ZNF439: variants seen among roughly 807,000 people sequenced by gnomAD.
ZNF439 encodes zinc finger protein 439.
In ZNF439, 40 loss-of-function variants were observed where a neutral mutation model predicts 47.3. That is an observed-to-expected ratio of 0.85 (90% confidence interval 0.66 to 1.10). The LOEUF is 1.10. ZNF439 is among the 50% of genes least tolerant of loss of function. The pLI is 0.00. For synonymous variants in ZNF439, 171 were observed against 198.8 expected (o/e 0.86, Z 1.18); for missense variants, 556 against 601.1 (o/e 0.93, Z 0.78).
intron 1 of ZNF439, among the ~76,000 whole-genome samples, chr19:11,853,319 A>G (rs994108589): frequency 6.6e-6 from 1 of 152,216 alleles, no homozygotes; most frequent in Non-Finnish European, 1.5e-5. Flanking sequence ...AGGAGGACGA[A>G]TGCGGGAATA....
chr19:11,856,069 G>A (rs976786680), intron 1 of ZNF439: 3 of 152,144 alleles, frequency 2.0e-5, no homozygotes, highest in South Asian at 2.1e-4. Context: ...TAAATCCACC[G>A]GACCTTTCCA....
In ZNF439 at chr19:11,867,608, A is replaced by T. The variant is rs1277015415; in HGVS notation, c.554A>T (p.His185Leu). The part of the protein sequence containing the change: ...HPSLRTQERD[H>L]TGKKPYACKE... ...TCCTTGAGAACACAAGAAAGGGATC[A>T]CACTGGAAAGAAACCCTATGCTTGT... is the stretch of plus-strand genomic sequence containing the variant. Residue 185 changes from histidine (H) to leucine (L), a missense_variant, in exon 4 of 4, where the codon CAC becomes CTC. Coordinates refer to ENST00000682736, the MANE Select transcript of ZNF439 (RefSeq NM_001348719.2). 6.2e-7 allele frequency: 1 copy of T among 1,614,206 alleles called. No homozygotes were observed. Among genetic ancestry groups the T allele is most frequent in the Admixed American group, 1.7e-5 (1 of 60,020 alleles).
rs542604156 is a variant in ZNF439, at chr19:11,866,554, C to A, written c.208C>A (p.Gln70Lys). The stretch of plus-strand genomic sequence containing the variant: ...TATTTTAGGAAAAAAGTGGAAAGAC[C>A]AGAACATTGAATATGAGTACCAAAA... The part of the protein sequence containing the change: ...LTSIGKKWKD[Q>K]NIEYEYQNPR... The change falls in exon 3 of 4, where the codon CAG becomes AAG. Residue 70 changes from glutamine (Q) to lysine (K), a missense_variant. Transcript: ENST00000682736. 2.5e-5 allele frequency: 41 copies of A among 1,613,420 alleles called. No homozygotes were observed. The African/African-American group carries it at 3.7e-4, about 15-fold the overall frequency.
intron 1 of ZNF439, chr19:11,858,190 G>A (rs755271616): frequency 6.6e-6 from 1 of 152,234 alleles, no homozygotes; most frequent in African/African-American, 2.4e-5. Flanking sequence ...CGGGCGCAAT[G>A]GCTCACGCCT....
At chr19:11,862,528 A>G (rs1315734338) in intron 1 of ZNF439, among the ~76,000 whole-genome samples, 1 of 152,022 alleles carries the variant, frequency 6.6e-6, no homozygotes, top group Non-Finnish European at 1.5e-5. Flanking sequence ...TTTTCAGTTC[A>G]CTTGGGTCAA....
chr19:11,859,528 CA>C (rs1568256719), intron 1 of ZNF439, among the ~76,000 whole-genome samples: 1 of 152,112 alleles, frequency 6.6e-6, no homozygotes, highest in African/African-American at 2.4e-5. Context: ...CGCATAGCAC[CA>C]AAAAGAGATT....
chr19:11,861,356 T>A (rs1976535590), intron 1 of ZNF439, among the ~76,000 whole-genome samples: 3 of 152,202 alleles, frequency 2.0e-5, no homozygotes, highest in Admixed American at 2.0e-4. Context: ...TATCTTTTCC[T>A]GGTTTTGGGT....
chr19:11,861,431 G>A (rs1385902378), intron 1 of ZNF439, among the ~76,000 whole-genome samples: 1 of 151,908 alleles, frequency 6.6e-6, no homozygotes, highest in African/African-American at 2.4e-5. Flanking sequence ...GGGTCTAGTG[G>A]GTATCAGTGC....
intron 1 of ZNF439, among the ~76,000 whole-genome samples, chr19:11,864,401 G>T (rs1232289912): frequency 6.6e-6 from 1 of 152,088 alleles, no homozygotes; most frequent in African/African-American, 2.4e-5. Flanking sequence ...GGGTTCAAAG[G>T]ATTCTCCCAC....
Position 11,861,259 on chromosome 19 carries a change from G to T in ZNF439, c.64-4946G>T, listed in dbSNP as rs988118410. ...CTGCCTCTCCTCCTCTTATCTTTCC[G>T]AGACACAGACACCTTATCAGGATGT... On this transcript the variant is annotated intron_variant, in intron 1 of 3. Transcript: ENST00000682736. Among the ~76,000 whole-genome samples the T allele has an allele frequency of 2.9e-4, 44 of 152,256 alleles. 1 individual carries two copies. Among genetic ancestry groups the T allele is most frequent in the Middle Eastern group, 3.4e-3 (1 of 294 alleles).
chr19:11,851,877 G>A (rs1351055698), intron 1 of ZNF439, among the ~76,000 whole-genome samples: 2 of 152,066 alleles, frequency 1.3e-5, no homozygotes, highest in South Asian at 2.1e-4. Context: ...CTAGCTCCTG[G>A]CCTCAAACAG....
Position 11,868,642 on chromosome 19 carries a change from G to A in ZNF439, c.*73G>A, listed in dbSNP as rs1219479707. The A allele has an allele frequency of 6.7e-7, 1 of 1,488,438 alleles. No homozygotes were observed. The highest frequency in any genetic ancestry group is 2.3e-5 in the East Asian group (1 of 44,238). The allele number at this position is 1,488,438 out of a possible 1,614,324, so 92.2% of individuals were successfully genotyped here. A position where few individuals can be genotyped will look rare whatever the true frequency, so the allele number is the denominator to read the frequency against. On this transcript the variant is annotated 3_prime_UTR_variant, in exon 4 of 4. Transcript: ENST00000682736. ...CACATGAAAAAATTCACACTGGAGA[G>A]AAACCCTATAAATGCAAGCAATGTG...
chr19:11,848,987 G>T, intron 1 of ZNF439, 57 bp downstream of exon 1: 2 of 1,473,814 alleles, frequency 1.4e-6, no homozygotes, highest in Non-Finnish European at 9.1e-7. Context: ...GAACTGGCGG[G>T]ACCCGGGCCT....
chr19:11,865,738 A>AAAAAAAAC (rs1409459624), intron 1 of ZNF439, among the ~76,000 whole-genome samples: 1 of 144,842 alleles, frequency 6.9e-6, no homozygotes, highest in African/African-American at 2.6e-5. Context: ...AAAAAAAAAA[A>AAAAAAAAC]AATTGCTGTC....
intron 1 of ZNF439, among the ~76,000 whole-genome samples, chr19:11,862,559 G>A (rs998656692): frequency 6.6e-6 from 1 of 152,092 alleles, no homozygotes; most frequent in African/African-American, 2.4e-5. Context: ...TGAGACTACT[G>A]AATCCATAAG....
intron 1 of ZNF439, among the ~76,000 whole-genome samples, chr19:11,865,738 A>AAAAAAAAAC (rs1409459624): frequency 1.4e-5 from 2 of 144,754 alleles, no homozygotes; most frequent in African/African-American, 5.3e-5. Flanking sequence ...AAAAAAAAAA[A>AAAAAAAAAC]AATTGCTGTC....
In ZNF439 at chr19:11,866,917, C is replaced by T. The variant is rs138437855; in HGVS notation, c.251+320C>T. ...TGGTATGCATCCGTAGTCCCAGCTA[C>T]TCAGGAGGCTGAGACATGAGGGACA... On this transcript the variant is annotated intron_variant, in intron 3 of 3. Transcript: ENST00000682736. 3.2e-3 allele frequency among the ~76,000 whole-genome samples: 482 copies of T among 152,232 alleles called. 9 individuals are homozygous for T. Among genetic ancestry groups the T allele is most frequent in the African/African-American group, 0.011 (456 of 41,526 alleles).
At chr19:11,854,802 A>C (rs965881887) in intron 1 of ZNF439, among the ~76,000 whole-genome samples, 2 of 152,216 alleles carry the variant, frequency 1.3e-5, no homozygotes, top group South Asian at 4.1e-4. Flanking sequence ...GCTATGATTA[A>C]TGTAGTGATA....
chr19:11,854,963 A>G (rs1285172649), intron 1 of ZNF439, among the ~76,000 whole-genome samples: 2 of 152,140 alleles, frequency 1.3e-5, no homozygotes, highest in African/African-American at 4.8e-5. Flanking sequence ...GTTGCTTACT[A>G]TTGCTATTAT....
Sources: allele counts gnomAD v4.1 joint callset (sites outside exome capture counted in the v4.1 genomes callset), GRCh38; gene constraint gnomAD v4.1.1; transcripts MANE v1.5; gene names NCBI Gene and HGNC (gene_info 2026-07-23, HGNC 2026-07-21).